The following STX6 variants were observed in gnomAD, a reference collection of about 807,000 sequenced individuals.
STX6 encodes the protein syntaxin-6.
Under a neutral mutation model 38.0 loss-of-function variants are expected in STX6, and 23 were observed. That is an observed-to-expected ratio of 0.60 (90% confidence interval 0.43 to 0.86). The LOEUF is 0.86. Among genes scored for constraint, STX6 ranks in the 40% least tolerant of loss-of-function variants. The pLI is 0.00. For synonymous variants in STX6, 123 were observed against 107.5 expected, an observed-to-expected ratio of 1.14 and a Z score of -0.89; for missense variants, 274 against 312.9, an observed-to-expected ratio of 0.88 and a Z score of 0.94.
chr1:180,995,478 A>G (rs1411756173), intron 3 of STX6, among the ~76,000 whole-genome samples: 2 of 152,180 alleles, frequency 1.3e-5, no homozygotes, highest in African/African-American at 4.8e-5. Flanking sequence ...TGACATTCTG[A>G]CAGTCAATCC....
chr1:180,993,401 A>C lies in STX6; in HGVS notation c.325T>G (p.Ser109Ala), dbSNP rs1271616973. 8 of 1,598,152 alleles carry C rather than the reference A, an allele frequency of 5.0e-6. No individual in the cohort carries two copies. The highest frequency in any genetic ancestry group is 6.9e-6 in the Non-Finnish European group (8 of 1,166,830). ...VRDMKDQMST[S>A]SVQALAERKN... Reference sequence around the variant, plus strand: ...CTTTCAGCTAATGCCTGCACAGATGAAGTTGACATCTGATCTTTCATGTCC... The same window carrying C: ...CTTTCAGCTAATGCCTGCACAGATGCAGTTGACATCTGATCTTTCATGTCC... The change falls in exon 4 of 8, where the codon TCA (serine) becomes GCA (alanine). Residue 109 changes from serine (S) to alanine (A), a missense_variant. Transcript: ENST00000258301.
chr1:181,018,762 T>G (rs1558101948), intron 1 of STX6, among the ~76,000 whole-genome samples: 1 of 152,300 alleles, frequency 6.6e-6, no homozygotes, highest in South Asian at 2.1e-4. Context: ...TTTTCATCTT[T>G]CCTCACACTG....
intron 6 of STX6, 29 bp downstream of exon 6, chr1:180,988,210 T>C (rs1655645325): frequency 6.4e-7 from 1 of 1,552,314 alleles, no homozygotes; most frequent in East Asian, 2.3e-5. Flanking sequence ...TCAATTTCAC[T>C]GAAGCGAGAG....
At chr1:181,018,940 T>C (rs1292145520) in intron 1 of STX6, among the ~76,000 whole-genome samples, 1 of 152,298 alleles carries the variant, frequency 6.6e-6, no homozygotes, top group East Asian at 1.9e-4. Flanking sequence ...TGAAATCAGG[T>C]TGTTCTAATT....
In STX6 at chr1:180,975,908, C is replaced by CGTG. The variant is rs1468031639; in HGVS notation, c.*661_*662insCAC. 2 of 152,480 alleles carry CGTG rather than the reference C, an allele frequency of 1.3e-5. No homozygotes were observed. The highest frequency in any genetic ancestry group is 2.9e-5 in the Non-Finnish European group (2 of 68,030). 9.4% of individuals were successfully genotyped at this position (152,480 alleles called of 1,614,324 possible). A position where few individuals can be genotyped will look rare whatever the true frequency, so the allele number is the denominator to read the frequency against. On this transcript the variant is annotated 3_prime_UTR_variant, in exon 8 of 8. Transcript: ENST00000258301. Reference sequence around the variant, plus strand: ...CAGTTAAAGCCACAAGTTGTTAGCACCCCCAAACCCCAGGGTGTTTCATTA... The same window carrying CGTG: ...CAGTTAAAGCCACAAGTTGTTAGCACGTGCCCCAAACCCCAGGGTGTTTCATTA...
intron 6 of STX6, among the ~76,000 whole-genome samples, chr1:180,985,391 G>C (rs925879018): frequency 6.6e-6 from 1 of 152,176 alleles, no homozygotes; most frequent in Non-Finnish European, 1.5e-5. Context: ...TTCCCTCACA[G>C]GGCTCTTGTG....
intron 1 of STX6, 105 bp downstream of exon 1, chr1:181,022,534 C>A: frequency 1.7e-6 from 2 of 1,205,998 alleles, no homozygotes; most frequent in Non-Finnish European, 1.2e-6. Context: ...TCCCCCTCCC[C>A]AGCTCCAACT....
rs1440671241 is a variant in STX6 at position 181,012,564 on chromosome 1, T to C, written c.36-7101A>G. 2.0e-5 allele frequency among the ~76,000 whole-genome samples: 3 copies of C among 152,156 alleles called. 1 individual carries two copies. The highest frequency in any genetic ancestry group is 7.2e-5 in the African/African-American group (3 of 41,426). ...CACAGGACCACTTGCAATGCAGAACTTTCCCAGTAAGTAGCTGTCAAAAAT... is the reference window on the plus strand; with the variant it reads ...CACAGGACCACTTGCAATGCAGAACCTTCCCAGTAAGTAGCTGTCAAAAAT... On this transcript the variant is annotated intron_variant, in intron 1 of 7. Coordinates refer to ENST00000258301, the MANE Select transcript of STX6 (RefSeq NM_005819.6).
chr1:180,982,188 G>A (rs1400149365), intron 7 of STX6, among the ~76,000 whole-genome samples: 2 of 152,130 alleles, frequency 1.3e-5, no homozygotes, highest in African/African-American at 4.8e-5. Flanking sequence ...ATCACACTTC[G>A]CTGTGCCTCC....
At chr1:180,997,475 G>A (rs925652885) in intron 3 of STX6, among the ~76,000 whole-genome samples, 2 of 152,172 alleles carry the variant, frequency 1.3e-5, no homozygotes, top group Non-Finnish European at 1.5e-5. Context: ...TACAGATCAA[G>A]TATTTCCAAT....
In STX6 at chr1:180,993,446, A is replaced by G. The variant is rs577575906; in HGVS notation, c.301-21T>C. The G allele has an allele frequency of 1.3e-4, 190 of 1,435,378 alleles. 1 individual carries two copies. The African/African-American group carries it at 2.1e-3, about 16-fold the overall frequency. 88.9% of individuals were successfully genotyped at this position (1,435,378 alleles called of 1,614,324 possible). ...ATGTCCTAATGAGAAAGAAGATACG[A>G]AAACAAATGAAAAATATCCTTAAAC... On this transcript the variant is annotated intron_variant, in intron 3 of 7. Coordinates refer to ENST00000258301, the MANE Select transcript of STX6 (RefSeq NM_005819.6).
At position 180,996,113 on chromosome 1, in the gene STX6, G is replaced by A. The variant is rs112805981; in HGVS notation, c.301-2688C>T. On this transcript the variant is annotated intron_variant, in intron 3 of 7. Transcript: ENST00000258301. ...ACTTTGAAAATAAATTTGTCATTCT[G>A]TACCATGAGTCTCAAAATATTCACT... Among the ~76,000 whole-genome samples, 607 of 152,192 alleles carry A rather than the reference G, an allele frequency of 4.0e-3. 6 individuals are homozygous for A. The highest frequency in any genetic ancestry group is 0.014 in the African/African-American group (561 of 41,518).
chr1:181,003,374 A>C (rs1225426783), intron 2 of STX6, among the ~76,000 whole-genome samples: 1 of 152,182 alleles, frequency 6.6e-6, no homozygotes, highest in Non-Finnish European at 1.5e-5. Flanking sequence ...TAGTATACTC[A>C]ATAAACACTT....
Position 181,017,102 on chromosome 1 carries a change from C to T in STX6, c.35+5537G>A, listed in dbSNP as rs187533538. Among the ~76,000 whole-genome samples the T allele has an allele frequency of 1.1e-3, 142 of 133,056 alleles. 1 individual carries two copies. Among genetic ancestry groups the T allele is most frequent in the African/African-American group, 4.1e-3 (141 of 34,712 alleles). The allele number at this position is 133,056 out of a possible 152,430, so 87.3% of individuals were successfully genotyped here. On this transcript the variant is annotated intron_variant, in intron 1 of 7. Coordinates refer to ENST00000258301, the MANE Select transcript of STX6 (RefSeq NM_005819.6). ...CAAACAAACAAACAAAAAAACCATCCTCGGCTGGGCGCAGTGGCTCATGCC... is the reference window on the plus strand; with the variant it reads ...CAAACAAACAAACAAAAAAACCATCTTCGGCTGGGCGCAGTGGCTCATGCC...
chr1:181,004,138 C>T lies in STX6; in HGVS notation c.205+1156G>A, dbSNP rs574751349. Among the ~76,000 whole-genome samples the T allele has an allele frequency of 1.6e-4, 24 of 152,250 alleles. No homozygotes were observed. The South Asian group carries it at 1.9e-3, about 12-fold the overall frequency. Reference sequence around the variant, plus strand: ...CCTATGAGCTAGGTACTCTTGTTATCCTAACTTTCCACTAAAGAGGAAACG... The same window carrying T: ...CCTATGAGCTAGGTACTCTTGTTATTCTAACTTTCCACTAAAGAGGAAACG... On this transcript the variant is annotated intron_variant, in intron 2 of 7. Coordinates refer to ENST00000258301, the MANE Select transcript of STX6 (RefSeq NM_005819.6).
In STX6 at chr1:181,022,844, C is replaced by T. The variant is rs1656787378; in HGVS notation, c.-171G>A. On this transcript the variant is annotated 5_prime_UTR_variant, in exon 1 of 8. Coordinates refer to ENST00000258301, the MANE Select transcript of STX6 (RefSeq NM_005819.6). Reference sequence around the variant, plus strand: ...GTGCACAGGACGGCCGCTGGTCCAGCACTCGCTCAGCACCACTGGCCGAAT... The same window carrying T: ...GTGCACAGGACGGCCGCTGGTCCAGTACTCGCTCAGCACCACTGGCCGAAT... The T allele has an allele frequency of 1.6e-6, 1 of 629,038 alleles. No individual in the cohort carries two copies. Among genetic ancestry groups the T allele is most frequent in the Non-Finnish European group, 2.7e-6 (1 of 365,832 alleles). The allele number at this position is 629,038 out of a possible 1,614,324, so 39.0% of individuals were successfully genotyped here.
At chr1:181,022,542 A>G in intron 1 of STX6, 97 bp downstream of exon 1, 1 of 1,322,646 alleles carries the variant, frequency 7.6e-7, no homozygotes, top group Non-Finnish European at 1.1e-6. Context: ...CCCAGCTCCA[A>G]CTTGCCTCCC....
At chr1:181,005,888 G>A (rs571689765) in intron 1 of STX6, among the ~76,000 whole-genome samples, 68 of 152,092 alleles carry the variant, frequency 4.5e-4, no homozygotes, top group African/African-American at 1.5e-3. Flanking sequence ...TGGTGTGGGA[G>A]GAATGAGAAT....
At position 180,974,134 on chromosome 1, in the gene STX6, T is replaced by C. The variant is rs2102295240; in HGVS notation, c.*2436A>G. 1 of 152,332 alleles carries C rather than the reference T, an allele frequency of 6.6e-6. No individual in the cohort carries two copies. 9.4% of individuals were successfully genotyped at this position (152,332 alleles called of 1,614,324 possible). A position where few individuals can be genotyped will look rare whatever the true frequency, so the allele number is the denominator to read the frequency against. ...AAATAAATGTAGGTTCCCTGGATTG[T>C]TCTCTTTGGCTGCCACATTTGGAGC... On this transcript the variant is annotated 3_prime_UTR_variant, in exon 8 of 8. Coordinates refer to ENST00000258301, the MANE Select transcript of STX6 (RefSeq NM_005819.6).
Sources: allele counts gnomAD v4.1 joint callset (sites outside exome capture counted in the v4.1 genomes callset), GRCh38; gene constraint gnomAD v4.1.1; transcripts MANE v1.5; gene names NCBI Gene and HGNC (gene_info 2026-07-23, HGNC 2026-07-21).